Variants in STX8 observed in about 807,000 individuals in gnomAD.
STX8 encodes syntaxin 8.
A neutral mutation model predicts 37.5 loss-of-function variants in STX8; 23 were observed. That is an observed-to-expected ratio of 0.61 (90% confidence interval 0.44 to 0.87). The LOEUF (loss-of-function observed/expected upper bound fraction) is 0.87. Among genes scored for constraint, STX8 ranks in the 40% least tolerant of loss-of-function variants. The pLI is 0.00. For missense variants in STX8, 313 were observed against 284.7 expected (o/e 1.10, Z -0.71); for synonymous variants, 115 against 99.1 (o/e 1.16, Z -0.95).
intron 7 of STX8, among the ~76,000 whole-genome samples, chr17:9,258,194 G>C (rs1035137211): frequency 6.6e-6 from 1 of 152,222 alleles, no homozygotes; most frequent in African/African-American, 2.4e-5. Flanking sequence ...GTATTAACCA[G>C]TGATCAGTCT....
chr17:9,535,168 TA>T (rs1905978004), intron 4 of STX8, among the ~76,000 whole-genome samples: 1 of 152,120 alleles, frequency 6.6e-6, no homozygotes, highest in Admixed American at 6.6e-5. Flanking sequence ...AATTTCTTTA[TA>T]ACCTTGGTTC....
chr17:9,521,052 A>G (rs1905321276), intron 4 of STX8, among the ~76,000 whole-genome samples: 1 of 152,222 alleles, frequency 6.6e-6, no homozygotes, highest in Admixed American at 6.5e-5. Flanking sequence ...TTCCTTTTTC[A>G]GAACTTTTTT....
intron 6 of STX8, among the ~76,000 whole-genome samples, chr17:9,478,008 A>G (rs1015499141): frequency 6.6e-6 from 1 of 152,130 alleles, no homozygotes; most frequent in Non-Finnish European, 1.5e-5. Context: ...CCTAAGCTAC[A>G]TATGTGGTTT....
chr17:9,346,755 T>G (rs1158236614), intron 7 of STX8, among the ~76,000 whole-genome samples: 1 of 152,240 alleles, frequency 6.6e-6, no homozygotes, highest in Non-Finnish European at 1.5e-5. Flanking sequence ...GTGGCTACAC[T>G]GAATCTGGTC....
intron 7 of STX8, among the ~76,000 whole-genome samples, chr17:9,299,004 C>T (rs982090199): frequency 1.3e-5 from 2 of 152,164 alleles, no homozygotes; most frequent in African/African-American, 4.8e-5. Context: ...CACCTTCCCA[C>T]CTGGTTTTTC....
intron 7 of STX8, among the ~76,000 whole-genome samples, chr17:9,301,495 A>T (rs1171007852): frequency 6.7e-6 from 1 of 150,214 alleles, no homozygotes; most frequent in Non-Finnish European, 1.5e-5. Context: ...ATTTATATTT[A>T]TTTTTGAGAT....
intron 7 of STX8, among the ~76,000 whole-genome samples, chr17:9,328,437 C>T (rs995684309): frequency 2.2e-4 from 33 of 152,118 alleles, no homozygotes; most frequent in African/African-American, 6.8e-4. Context: ...TTTGGGTCAT[C>T]GTTTTCCGAG....
intron 4 of STX8, among the ~76,000 whole-genome samples, chr17:9,540,417 T>A (rs149640200): frequency 5.0e-4 from 76 of 152,324 alleles, no homozygotes; most frequent in African/African-American, 1.7e-3. Flanking sequence ...GGACTTGCAC[T>A]TTTTGGACAA....
At chr17:9,420,510 C>T (rs1396311377) in intron 6 of STX8, among the ~76,000 whole-genome samples, 3 of 152,166 alleles carry the variant, frequency 2.0e-5, no homozygotes, top group African/African-American at 4.8e-5. Context: ...AGCACTTTCC[C>T]GCATCTTCAC....
chr17:9,356,841 G>A (rs1414655449), intron 7 of STX8, among the ~76,000 whole-genome samples: 3 of 152,060 alleles, frequency 2.0e-5, no homozygotes, highest in East Asian at 1.9e-4. Context: ...GTACTGTGGT[G>A]TGCAGCAGCG....
At chr17:9,252,609 CAA>C (rs60037652) in intron 7 of STX8, among the ~76,000 whole-genome samples, 13 of 94,028 alleles carry the variant, frequency 1.4e-4, no homozygotes, top group Non-Finnish European at 1.3e-4. Flanking sequence ...AACTCTGTCT[CAA>C]AAAAAAAAAA....
chr17:9,496,857 A>G (rs1328111998), intron 5 of STX8, among the ~76,000 whole-genome samples: 1 of 152,184 alleles, frequency 6.6e-6, no homozygotes, highest in Non-Finnish European at 1.5e-5. Flanking sequence ...TACAAAAAGT[A>G]AGGGAACGAA....
At chr17:9,307,047 C>T (rs1207587048) in intron 7 of STX8, among the ~76,000 whole-genome samples, 2 of 152,088 alleles carry the variant, frequency 1.3e-5, no homozygotes, top group Admixed American at 6.6e-5. Flanking sequence ...TACCTGGAAC[C>T]TGGGAGGCAG....
intron 4 of STX8, among the ~76,000 whole-genome samples, chr17:9,528,271 AGAGT>A (rs1475600145): frequency 2.0e-5 from 3 of 152,130 alleles, no homozygotes; most frequent in African/African-American, 7.2e-5. Context: ...AAAGGGAGAG[AGAGT>A]ATGAACTTTT....
chr17:9,567,380 A>C (rs752607116), intron 2 of STX8, among the ~76,000 whole-genome samples: 1 of 152,190 alleles, frequency 6.6e-6, no homozygotes, highest in African/African-American at 2.4e-5. Flanking sequence ...AAAAGACTCA[A>C]ATTTTGAACT....
chr17:9,550,028 C>G (rs1042044245), intron 3 of STX8, among the ~76,000 whole-genome samples: 1 of 152,034 alleles, frequency 6.6e-6, no homozygotes, highest in African/African-American at 2.4e-5. Context: ...TCGAGACCAG[C>G]CTGGACAACA....
At chr17:9,501,984 A>C (rs992144101) in intron 5 of STX8, among the ~76,000 whole-genome samples, 2 of 152,110 alleles carry the variant, frequency 1.3e-5, no homozygotes, top group African/African-American at 2.4e-5. Context: ...ACAAACAAAC[A>C]AACCAAACAT....
chr17:9,383,970 A>G, intron 6 of STX8, among the ~76,000 whole-genome samples: 1 of 152,176 alleles, frequency 6.6e-6, no homozygotes, highest in Non-Finnish European at 1.5e-5. Context: ...GAAGGCCTAA[A>G]AAAAGGAGAA....
chr17:9,506,888 G>A (rs1272567226), intron 4 of STX8, among the ~76,000 whole-genome samples: 1 of 151,998 alleles, frequency 6.6e-6, no homozygotes, highest in Non-Finnish European at 1.5e-5. Context: ...CTTGGGGCCA[G>A]TAGCCACTGC....
Sources: allele counts gnomAD v4.1 joint callset (sites outside exome capture counted in the v4.1 genomes callset), GRCh38; gene constraint gnomAD v4.1.1; transcripts MANE v1.5; gene names NCBI Gene and HGNC (gene_info 2026-07-23, HGNC 2026-07-21).